The following AMBRA1 variants were observed in gnomAD, a reference collection of about 807,000 sequenced individuals.
AMBRA1 encodes the protein autophagy and beclin 1 regulator 1.
AMBRA1 carries 47 observed loss-of-function variants against 125.4 expected under a neutral mutation model. That is an observed-to-expected ratio of 0.37 (90% CI 0.30 to 0.48). The LOEUF (loss-of-function observed/expected upper bound fraction) is 0.48, where lower values mean the gene tolerates loss of function less well. Ranked by LOEUF, AMBRA1 falls within the 20% of genes least tolerant of loss-of-function variation. The pLI is 0.99. For synonymous variants in AMBRA1, 626 were observed against 655.5 expected (o/e 0.95, Z 0.69); for missense variants, 1,331 against 1,693.4 (o/e 0.79, Z 3.76).
intron 1 of AMBRA1, among the ~76,000 whole-genome samples, chr11:46,588,645 C>T (rs769907385): frequency 7.9e-5 from 12 of 151,594 alleles, no homozygotes; most frequent in African/African-American, 2.9e-4. Context: ...TAGCCAGCCA[C>T]ATGCCTGTAG....
At chr11:46,538,879 CAT>C (rs1297541095) in intron 7 of AMBRA1, among the ~76,000 whole-genome samples, 4 of 152,124 alleles carry the variant, frequency 2.6e-5, no homozygotes, top group Non-Finnish European at 5.9e-5. Context: ...CCATTAGTCA[CAT>C]GTGATTATTT....
intron 14 of AMBRA1, chr11:46,428,865 G>A (rs914172056): frequency 1.1e-5 from 18 of 1,611,562 alleles, no homozygotes; most frequent in African/African-American, 6.7e-5. Flanking sequence ...GGACGGCTAC[G>A]GCGTAGGATG....
intron 12 of AMBRA1, among the ~76,000 whole-genome samples, chr11:46,439,611 A>G (rs1423269622): frequency 1.3e-5 from 2 of 152,212 alleles, no homozygotes; most frequent in Non-Finnish European, 2.9e-5. Context: ...ATGACACAAA[A>G]CCAAGGAACC....
intron 12 of AMBRA1, among the ~76,000 whole-genome samples, chr11:46,438,722 A>G (rs1947851319): frequency 6.6e-6 from 1 of 152,188 alleles, no homozygotes; most frequent in African/African-American, 2.4e-5. Flanking sequence ...CTTAAGGCCT[A>G]TTCTGACAGG....
chr11:46,515,509 C>T (rs1196555879), intron 7 of AMBRA1, among the ~76,000 whole-genome samples: 1 of 151,868 alleles, frequency 6.6e-6, no homozygotes, highest in African/African-American at 2.4e-5. Flanking sequence ...AACAAAAATA[C>T]ATCCTTCTTA....
At chr11:46,545,059 C>A (rs774919136) in intron 5 of AMBRA1, among the ~76,000 whole-genome samples, 7 of 146,080 alleles carry the variant, frequency 4.8e-5, no homozygotes, top group Non-Finnish European at 9.0e-5. Context: ...CCCATGAGGT[C>A]AAGGCTGCAG....
At chr11:46,575,512 C>CTTTTT (rs775796043) in intron 1 of AMBRA1, among the ~76,000 whole-genome samples, 14 of 100,414 alleles carry the variant, frequency 1.4e-4, no homozygotes, top group African/African-American at 1.6e-4. Context: ...TTTTTCTTTC[C>CTTTTT]TTTTTTTTTT....
At chr11:46,418,375 T>A (rs1946672363) in intron 14 of AMBRA1, among the ~76,000 whole-genome samples, 1 of 144,084 alleles carries the variant, frequency 6.9e-6, no homozygotes, top group Admixed American at 7.1e-5. Context: ...TATTTATATA[T>A]AAATATATAT....
At chr11:46,558,528 G>A (rs1157025535) in intron 1 of AMBRA1, among the ~76,000 whole-genome samples, 17 of 114,926 alleles carry the variant, frequency 1.5e-4, no homozygotes, top group Non-Finnish European at 2.3e-4. Flanking sequence ...CAGCCTGGGC[G>A]ACACAGCCAG....
chr11:46,551,806 T>A (rs978149487), intron 1 of AMBRA1, among the ~76,000 whole-genome samples: 2 of 152,156 alleles, frequency 1.3e-5, no homozygotes, highest in Non-Finnish European at 2.9e-5. Context: ...GGCAGACGGA[T>A]CACCTGAGGT....
intron 9 of AMBRA1, among the ~76,000 whole-genome samples, chr11:46,500,080 G>A (rs1307927319): frequency 6.6e-6 from 1 of 152,152 alleles, no homozygotes; most frequent in African/African-American, 2.4e-5. Flanking sequence ...GAAAGGGGCC[G>A]GCTCAAGATC....
chr11:46,434,115 C>CAA (rs145761376), intron 13 of AMBRA1, among the ~76,000 whole-genome samples: 1,517 of 52,360 alleles, frequency 0.029, 34 homozygotes, highest in Non-Finnish European at 0.04. Flanking sequence ...AACTCCGTCT[C>CAA]AAAAAAAAAA....
At chr11:46,539,099 G>A (rs1296286717) in intron 7 of AMBRA1, among the ~76,000 whole-genome samples, 3 of 151,568 alleles carry the variant, frequency 2.0e-5, no homozygotes, top group African/African-American at 7.3e-5. Context: ...TCTAGGTGCC[G>A]GGAGCAGACG....
intron 7 of AMBRA1, among the ~76,000 whole-genome samples, chr11:46,515,118 C>T (rs926794467): frequency 1.3e-5 from 2 of 152,176 alleles, no homozygotes; most frequent in African/African-American, 2.4e-5. Flanking sequence ...GTGTTATCCT[C>T]CAAGTGGTCG....
intron 11 of AMBRA1, among the ~76,000 whole-genome samples, chr11:46,451,244 C>T (rs1268475033): frequency 6.6e-6 from 1 of 152,210 alleles, no homozygotes; most frequent in Non-Finnish European, 1.5e-5. Context: ...TATCAGCCAA[C>T]AACAATGGCA....
intron 11 of AMBRA1, among the ~76,000 whole-genome samples, chr11:46,457,008 C>T (rs1174958644): frequency 1.3e-5 from 2 of 152,222 alleles, no homozygotes; most frequent in African/African-American, 4.8e-5. Flanking sequence ...AGGCCACCTA[C>T]ACGTGAATTA....
intron 1 of AMBRA1, among the ~76,000 whole-genome samples, chr11:46,556,601 T>C (rs1455872977): frequency 5.3e-5 from 8 of 152,182 alleles, no homozygotes; most frequent in Non-Finnish European, 1.2e-4. Context: ...GTCATATATA[T>C]GGGCCCCGCA....
intron 1 of AMBRA1, among the ~76,000 whole-genome samples, chr11:46,577,372 T>C (rs1188052132): frequency 6.6e-6 from 1 of 152,112 alleles, no homozygotes; most frequent in Non-Finnish European, 1.5e-5. Context: ...AAAGATCACA[T>C]ATTGTATGAT....
chr11:46,531,901 T>TC (rs1197371601), intron 7 of AMBRA1, among the ~76,000 whole-genome samples: 1 of 152,020 alleles, frequency 6.6e-6, no homozygotes, highest in Non-Finnish European at 1.5e-5. Flanking sequence ...GCGGATCACT[T>TC]GAGGTTAGGA....
Sources: gnomAD v4.1 joint callset for allele counts (sites outside exome capture counted in the v4.1 genomes callset) on GRCh38, gnomAD v4.1.1 for gene constraint, MANE v1.5 for transcripts, NCBI Gene and HGNC (gene_info 2026-07-23, HGNC 2026-07-21) for gene names.